Variants in ZNF407 observed in about 807,000 individuals in gnomAD.
ZNF407 encodes zinc finger protein 407.
A neutral mutation model predicts 131.2 loss-of-function variants in ZNF407; 17 were observed. The observed-to-expected ratio is 0.13, with a 90% CI of 0.09 to 0.19. The LOEUF (loss-of-function observed/expected upper bound fraction) is 0.19, where lower values mean the gene tolerates loss of function less well. Among genes scored for constraint, ZNF407 ranks in the 10% least tolerant of loss-of-function variants. ZNF407 has a pLI of 1.00. For synonymous variants in ZNF407, 1,156 were observed against 1,062.0 expected, an observed-to-expected ratio of 1.09 and a Z score of -1.72; for missense variants, 2,681 against 2,830.6, an observed-to-expected ratio of 0.95 and a Z score of 1.20.
chr18:74,631,409 C>T lies in ZNF407; in HGVS notation c.390C>T (p.Ala130=), dbSNP rs1274920522. The part of the protein sequence containing the change: ...CTVGGTCLPN[A]LSPSCNFSTI... ...TTGGAGGCACATGTCTCCCAAATGC[C>T]CTCTCCCCTTCTTGCAATTTTAGCA... is the stretch of plus-strand genomic sequence containing the variant. The change falls in exon 2 of 9, where the codon GCC becomes GCT. Residue 130 remains alanine (A), a synonymous_variant. Coordinates refer to ENST00000299687, the MANE Select transcript of ZNF407 (RefSeq NM_017757.3). The T allele has an allele frequency of 4.3e-6, 7 of 1,613,708 alleles. No homozygotes were observed. The highest frequency in any genetic ancestry group is 5.9e-6 in the Non-Finnish European group (7 of 1,179,848).
At chr18:74,599,677 G>C (rs1982494165) in intron 1 of ZNF407, among the ~76,000 whole-genome samples, 2 of 152,096 alleles carry the variant, frequency 1.3e-5, no homozygotes, top group South Asian at 4.1e-4. Flanking sequence ...CTGGTTGAAG[G>C]GACATTTTCC....
At position 74,996,707 on chromosome 18, in the gene ZNF407, T is replaced by G. The variant is rs983134105; in HGVS notation, c.5429-66443T>G. 2.0e-5 allele frequency among the ~76,000 whole-genome samples: 3 copies of G among 152,200 alleles called. No individual in the cohort carries two copies. In the East Asian group the frequency reaches 5.8e-4, roughly 29 times the overall value. On this transcript the variant is annotated intron_variant, in intron 8 of 8. Transcript: ENST00000299687. The stretch of plus-strand genomic sequence containing the variant: ...AGAAAGAGGAAAGGAAAGTAATGAG[T>G]CCTATTTCTAAATGAATTTAAAAAG...
intron 1 of ZNF407, among the ~76,000 whole-genome samples, chr18:74,604,997 C>G (rs1327895990): frequency 6.6e-6 from 1 of 152,172 alleles, no homozygotes; most frequent in Non-Finnish European, 1.5e-5. Context: ...CATTCTTACC[C>G]TTATTAGGTT....
intron 8 of ZNF407, among the ~76,000 whole-genome samples, chr18:74,993,645 G>A (rs184963927): frequency 6.6e-6 from 1 of 152,290 alleles, no homozygotes; most frequent in African/African-American, 2.4e-5. Flanking sequence ...AGTAAGGTTG[G>A]TTTTAAAAAA....
At chr18:74,660,290 A>AT (rs1326626003) in intron 3 of ZNF407, among the ~76,000 whole-genome samples, 5 of 152,108 alleles carry the variant, frequency 3.3e-5, no homozygotes, top group Admixed American at 2.0e-4. Flanking sequence ...TTGATAAATG[A>AT]TGGGAGACTG....
intron 3 of ZNF407, among the ~76,000 whole-genome samples, chr18:74,737,191 C>T (rs1968437440): frequency 6.6e-6 from 1 of 152,074 alleles, no homozygotes; most frequent in African/African-American, 2.4e-5. Flanking sequence ...ATGTTGGAGG[C>T]ATTTTTGATT....
intron 4 of ZNF407, among the ~76,000 whole-genome samples, chr18:74,858,433 A>G (rs1009191757): frequency 1.3e-5 from 2 of 152,176 alleles, no homozygotes; most frequent in Non-Finnish European, 2.9e-5. Context: ...AATGGTAGCC[A>G]TACTACCTAT....
At chr18:74,809,882 G>C (rs918804929) in intron 4 of ZNF407, among the ~76,000 whole-genome samples, 1 of 152,196 alleles carries the variant, frequency 6.6e-6, no homozygotes, top group African/African-American at 2.4e-5. Context: ...GGTCAGATTG[G>C]TGATAAATGT....
At chr18:74,894,719 C>T (rs1012951798) in intron 7 of ZNF407, among the ~76,000 whole-genome samples, 5 of 152,108 alleles carry the variant, frequency 3.3e-5, no homozygotes, top group Non-Finnish European at 7.4e-5. Context: ...CACAGAAATA[C>T]TACCTGTAGT....
In ZNF407 at chr18:75,063,409, C is replaced by T. The variant is rs373977862; in HGVS notation, c.5688C>T (p.Ala1896=). The T allele has an allele frequency of 1.9e-5, 30 of 1,610,756 alleles. No homozygotes were observed. The highest frequency in any genetic ancestry group is 4.5e-5 in the East Asian group (2 of 44,728). Residue 1896 remains alanine, a synonymous_variant, in exon 9 of 9, where the codon GCC becomes GCT. Transcript: ENST00000299687. This position sits in a 1 kb window ranked among gnomAD's most constrained non-coding sequence, Gnocchi z 6.6. ...AAATLQTLAM[A]GQVARVVHIT... ...CCACGCTGCAGACGCTGGCCATGGC[C>T]GGCCAGGTGGCCCGGGTGGTGCATA...
Position 74,894,595 on chromosome 18 carries a change from A to G in ZNF407, c.5249+4557A>G, listed in dbSNP as rs913022130. Among the ~76,000 whole-genome samples, 4 of 152,174 alleles carry G rather than the reference A, an allele frequency of 2.6e-5. 1 individual carries two copies. The Middle Eastern group carries it at 0.01, about 388-fold the overall frequency. ...GATGTGTTTCACTTCAGTGGCCTCA[A>G]CTGGGCTTTTGTTTATGTGAAACTT... On this transcript the variant is annotated intron_variant, in intron 7 of 8. Transcript: ENST00000299687.
chr18:74,745,470 A>C (rs1346878838), intron 3 of ZNF407, among the ~76,000 whole-genome samples: 1 of 152,192 alleles, frequency 6.6e-6, no homozygotes, highest in African/African-American at 2.4e-5. Context: ...GTTAAAGCAT[A>C]AAGTTTATTT....
intron 4 of ZNF407, among the ~76,000 whole-genome samples, chr18:74,805,658 CAA>C (rs1970097983): frequency 6.6e-6 from 1 of 152,032 alleles, no homozygotes; most frequent in Non-Finnish European, 1.5e-5. Flanking sequence ...TAAACTGAAC[CAA>C]AGTTTTCCTG....
chr18:74,725,380 C>G (rs1361000247), intron 3 of ZNF407, among the ~76,000 whole-genome samples: 1 of 152,076 alleles, frequency 6.6e-6, no homozygotes. Context: ...TAAAAATCAG[C>G]TTTTAAAACT....
intron 8 of ZNF407, among the ~76,000 whole-genome samples, chr18:74,973,014 T>G (rs1972489499): frequency 6.6e-6 from 1 of 152,202 alleles, no homozygotes; most frequent in Non-Finnish European, 1.5e-5. Flanking sequence ...TGTTTTTCAT[T>G]TCTCAGTTTT....
chr18:75,001,426 T>A (rs564187484), intron 8 of ZNF407, among the ~76,000 whole-genome samples: 1 of 152,344 alleles, frequency 6.6e-6, no homozygotes. Flanking sequence ...GTAATTTTTA[T>A]CATCACAAAC....
intron 4 of ZNF407, among the ~76,000 whole-genome samples, chr18:74,847,344 T>A (rs1018120885): frequency 1.3e-5 from 2 of 152,150 alleles, no homozygotes; most frequent in Non-Finnish European, 2.9e-5. Context: ...ACTCCATGTT[T>A]TTCTCCCTAG....
chr18:74,704,852 A>T (rs1967587355), intron 3 of ZNF407, among the ~76,000 whole-genome samples: 1 of 152,216 alleles, frequency 6.6e-6, no homozygotes, highest in African/African-American at 2.4e-5. Context: ...GATAACACCC[A>T]TACTATCATG....
At chr18:74,688,357 T>C (rs1014402293) in intron 3 of ZNF407, among the ~76,000 whole-genome samples, 3 of 152,194 alleles carry the variant, frequency 2.0e-5, no homozygotes, top group Non-Finnish European at 4.4e-5. Context: ...TCTGGATGCA[T>C]TGGATATAGG....
Sources: gnomAD v4.1 joint callset for allele counts (sites outside exome capture counted in the v4.1 genomes callset) on GRCh38, gnomAD v4.1.1 for gene constraint, Gnocchi (gnomAD v3.1) non-coding constraint, MANE v1.5 for transcripts, NCBI Gene and HGNC (gene_info 2026-07-23, HGNC 2026-07-21) for gene names.